Variants in CCDC158 observed in about 807,000 individuals in gnomAD.
CCDC158 encodes the protein coiled-coil domain containing 158.
A neutral mutation model predicts 138.6 loss-of-function variants in CCDC158; 116 were observed. The ratio of observed to expected loss-of-function variants is 0.84; its 90% confidence interval spans 0.72 to 0.98. CCDC158 has a LOEUF of 0.98. CCDC158 is among the 50% of genes least tolerant of loss of function. The pLI is 0.00. For synonymous variants in CCDC158, 436 were observed against 442.4 expected (o/e 0.99, Z 0.18); for missense variants, 1,265 against 1,306.1 (o/e 0.97, Z 0.48).
chr4:76,319,187 G>T (rs1296685679), intron 24 of CCDC158, among the ~76,000 whole-genome samples: 1 of 151,628 alleles, frequency 6.6e-6, no homozygotes, highest in Non-Finnish European at 1.5e-5. Flanking sequence ...CAGGAGAATG[G>T]TGTGAACCCG....
intron 9 of CCDC158, among the ~76,000 whole-genome samples, chr4:76,373,292 A>G (rs1285060682): frequency 6.6e-6 from 1 of 152,238 alleles, no homozygotes; most frequent in East Asian, 1.9e-4. Flanking sequence ...ACGTGTTGAT[A>G]CTTAGTTATA....
chr4:76,387,403 G>A (rs753431751), intron 4 of CCDC158, among the ~76,000 whole-genome samples: 2 of 152,086 alleles, frequency 1.3e-5, no homozygotes, highest in Admixed American at 6.6e-5. Context: ...AGAGTCCTTG[G>A]GGACCAGGCA....
chr4:76,391,161 C>A (rs748118613), intron 4 of CCDC158, among the ~76,000 whole-genome samples: 16 of 151,960 alleles, frequency 1.1e-4, no homozygotes, highest in Non-Finnish European at 1.6e-4. Context: ...ACATTTCATC[C>A]AAAGGCTGAA....
In CCDC158 at chr4:76,315,990, T is replaced by C. The variant is rs974307743; in HGVS notation, c.3278-2744A>G. ...AACCTTGAGTTCCGGGCTTTTCCAC[T>C]GAAATAGTTTACCCAAATCAGAAGG... On this transcript the variant is annotated intron_variant, in intron 24 of 24. Transcript: ENST00000682701. Among the ~76,000 whole-genome samples, 21 of 152,188 alleles carry C rather than the reference T, an allele frequency of 1.4e-4. 1 individual carries two copies. The highest frequency in any genetic ancestry group is 7.9e-4 in the Admixed American group (12 of 15,280).
intron 24 of CCDC158, among the ~76,000 whole-genome samples, chr4:76,316,567 A>G (rs775523315): frequency 2.0e-5 from 3 of 152,146 alleles, no homozygotes; most frequent in East Asian, 1.9e-4. Flanking sequence ...ATTTCCCTAG[A>G]CTCACTAGTG....
chr4:76,335,341 T>C lies in CCDC158; in HGVS notation c.2665-1174A>G, dbSNP rs192957329. Among the ~76,000 whole-genome samples the C allele has an allele frequency of 2.0e-5, 3 of 152,320 alleles. No homozygotes were observed. In the East Asian group the frequency reaches 5.8e-4, roughly 29 times the overall value. ...AGTTAATAAAGAAAAACTTATCCTATGGCAATATTCACTCACCTTAGTTAT... is the reference window on the plus strand; with the variant it reads ...AGTTAATAAAGAAAAACTTATCCTACGGCAATATTCACTCACCTTAGTTAT... On this transcript the variant is annotated intron_variant, in intron 18 of 24. Transcript: ENST00000682701.
chr4:76,348,907 A>C (rs1486680720), intron 18 of CCDC158, among the ~76,000 whole-genome samples: 1 of 152,228 alleles, frequency 6.6e-6, no homozygotes, highest in Non-Finnish European at 1.5e-5. Flanking sequence ...TGAGTAGATA[A>C]GGGATGAAAA....
intron 19 of CCDC158, among the ~76,000 whole-genome samples, chr4:76,333,795 ATT>A (rs1329037201): frequency 3.3e-5 from 5 of 152,180 alleles, no homozygotes; most frequent in Non-Finnish European, 7.3e-5. Flanking sequence ...TGCACTGGGT[ATT>A]TTCTGAATAG....
chr4:76,327,793 T>C (rs144550369), intron 22 of CCDC158, among the ~76,000 whole-genome samples: 19 of 152,340 alleles, frequency 1.2e-4, no homozygotes, highest in African/African-American at 4.6e-4. Flanking sequence ...TTTTCTCTAT[T>C]TACAATTTAC....
Position 76,371,534 on chromosome 4 carries a change from T to C in CCDC158, c.1032A>G (p.Thr344=). ...REAKRMYEDK[T]EELEKQLVLA... is the part of the protein sequence containing the mutation. ...GGACTAACTGCTTTTCCAGCTCTTCTGTCTGAAAGGAAAGTACAAATTGAA... is the reference window on the plus strand; with the variant it reads ...GGACTAACTGCTTTTCCAGCTCTTCCGTCTGAAAGGAAAGTACAAATTGAA... Residue 344 remains threonine, a splice_region_variant and synonymous_variant, in exon 10 of 25, where the codon ACA becomes ACG. Coordinates refer to ENST00000682701, the MANE Select transcript of CCDC158 (RefSeq NM_001394954.1). The C allele has an allele frequency of 6.2e-7, 1 of 1,614,188 alleles. No individual in the cohort carries two copies.
chr4:76,384,818 C>G (rs560344863), intron 4 of CCDC158, among the ~76,000 whole-genome samples, 153 bp from the exon 5 acceptor site: 1 of 152,302 alleles, frequency 6.6e-6, no homozygotes, highest in South Asian at 2.1e-4. Flanking sequence ...AATAATTTCT[C>G]GCTTAGATTA....
chr4:76,345,101 T>C (rs954305433), intron 18 of CCDC158: 14 of 1,229,108 alleles, frequency 1.1e-5, no homozygotes, highest in Non-Finnish European at 1.7e-5. Context: ...TTGTTGCCGA[T>C]GTCTATATCC....
In CCDC158 at chr4:76,313,208, G is replaced by C. The variant is rs745749548; in HGVS notation, c.3316C>G (p.Gln1106Glu). Residue 1106 changes from glutamine to glutamate, a missense_variant, in exon 25 of 25, where the codon CAG becomes GAG. Physicochemically the swap from Gln to Glu is conservative, Grantham distance 29. Coordinates refer to ENST00000682701, the MANE Select transcript of CCDC158 (RefSeq NM_001394954.1). Reference protein sequence around the residue: ...SMIRNQEKRIQKVKDQEKMLL... With the variant: ...SMIRNQEKRIEKVKDQEKMLL... Reference sequence around the variant, plus strand: ...ATTTTTTCCTGGTCTTTTACTTTCTGTATCCTCTTTTCTTGATTTCTGATC... The same window carrying C: ...ATTTTTTCCTGGTCTTTTACTTTCTCTATCCTCTTTTCTTGATTTCTGATC... 3.1e-6 allele frequency: 5 copies of C among 1,608,812 alleles called. No individual in the cohort carries two copies. The highest frequency in any genetic ancestry group is 4.2e-6 in the Non-Finnish European group (5 of 1,177,040).
intron 2 of CCDC158, among the ~76,000 whole-genome samples, chr4:76,410,984 G>A (rs1729249362): frequency 6.6e-6 from 1 of 152,170 alleles, no homozygotes; most frequent in African/African-American, 2.4e-5. Context: ...TACCTCAAAA[G>A]AATAAGAGTT....
intron 1 of CCDC158, among the ~76,000 whole-genome samples, chr4:76,417,307 G>A (rs895279317): frequency 3.3e-5 from 5 of 152,124 alleles, no homozygotes; most frequent in Non-Finnish European, 7.4e-5. Flanking sequence ...GCTTGTTTTT[G>A]ATTTTACAGG....
chr4:76,394,492 G>A (rs1440558410), intron 4 of CCDC158, among the ~76,000 whole-genome samples: 1 of 151,982 alleles, frequency 6.6e-6, no homozygotes, highest in African/African-American at 2.4e-5. Flanking sequence ...GAAGGGTAGT[G>A]GGGGAGTGAA....
At position 76,382,622 on chromosome 4, in the gene CCDC158, A is replaced by G; in HGVS notation, c.902T>C (p.Met301Thr). 2.5e-6 allele frequency: 4 copies of G among 1,606,370 alleles called. No homozygotes were observed. The highest frequency in any genetic ancestry group is 3.4e-6 in the Non-Finnish European group (4 of 1,173,446). The change falls in exon 8 of 25, where the codon ATG (methionine) becomes ACG (threonine). Residue 301 changes from methionine (M) to threonine (T), a missense_variant. By Grantham distance (81) the Met-to-Thr change is moderately conservative. Coordinates refer to ENST00000682701, the MANE Select transcript of CCDC158 (RefSeq NM_001394954.1). ...TCAAACCACATACTGAATGATTTCC[A>G]TTTGACTCTGGATACTATTGGCTTG... Reference protein sequence around the residue: ...RSQANSIQSQMEIIQEQARNQ... With the variant: ...RSQANSIQSQTEIIQEQARNQ...
At chr4:76,383,781 T>C (rs777131701) in intron 6 of CCDC158, 43 bp from the exon 7 acceptor site, 2 of 1,381,294 alleles carry the variant, frequency 1.4e-6, no homozygotes, top group Non-Finnish European at 2.1e-6. Context: ...CTGGTAAATA[T>C]AAGGCTTGGA....
At chr4:76,377,926 G>C (rs1220782743) in intron 9 of CCDC158, among the ~76,000 whole-genome samples, 2 of 152,136 alleles carry the variant, frequency 1.3e-5, no homozygotes, top group East Asian at 1.9e-4. Flanking sequence ...AAAATAGCTG[G>C]CATCACATGT....
Sources: allele counts gnomAD v4.1 joint callset (sites outside exome capture counted in the v4.1 genomes callset), GRCh38; gene constraint gnomAD v4.1.1; transcripts MANE v1.5; gene names NCBI Gene and HGNC (gene_info 2026-07-23, HGNC 2026-07-21).